The following UTP4 variants were observed in gnomAD, a reference collection of about 807,000 sequenced individuals.
The protein encoded by UTP4 is UTP4 small subunit processome component, also known as U3 small nucleolar RNA-associated protein 4 homolog.
A neutral mutation model predicts 82.4 loss-of-function variants in UTP4; 45 were observed. The observed-to-expected ratio is 0.55, with a 90% CI of 0.43 to 0.70. The LOEUF is 0.70. UTP4 is among the 30% of genes least tolerant of loss of function. UTP4 has a pLI of 0.00. For missense variants in UTP4, 819 were observed against 858.3 expected, an observed-to-expected ratio of 0.95 and a Z score of 0.57; for synonymous variants, 348 against 300.3, an observed-to-expected ratio of 1.16 and a Z score of -1.64.
intron 2 of UTP4, among the ~76,000 whole-genome samples, chr16:69,134,160 T>C (rs1962741556): frequency 6.6e-6 from 1 of 152,168 alleles, no homozygotes; most frequent in South Asian, 2.1e-4. Context: ...TAGTCCTTTT[T>C]CTTCTCCCCT....
rs919468470 is a variant in UTP4 at position 69,154,475 on chromosome 16, G to A, written c.1164+18G>A. 32 of 1,585,172 alleles carry A rather than the reference G, an allele frequency of 2.0e-5. No homozygotes were observed. In the East Asian group the frequency reaches 6.9e-4, roughly 34 times the overall value. ...AGACAAAGGTAAGGAAGTTTGTTTA[G>A]GCTCTGAATTCTAGAGCCTGAATTC... is the stretch of plus-strand genomic sequence containing the variant. On this transcript the variant is annotated intron_variant, in intron 10 of 16. Transcript: ENST00000314423.
At position 69,143,175 on chromosome 16, in the gene UTP4, C is replaced by T. The variant is rs1438918382; in HGVS notation, c.527-3C>T. The T allele has an allele frequency of 6.2e-7, 1 of 1,613,996 alleles. No individual in the cohort carries two copies. Among genetic ancestry groups the T allele is most frequent in the East Asian group, 2.2e-5 (1 of 44,882 alleles). On this transcript the variant is annotated splice_region_variant and splice_polypyrimidine_tract_variant and intron_variant, in intron 5 of 16. Transcript: ENST00000314423. ...TTGAAGGTGTGCTTTTCTGATTTTTCAGGCAGCGCTGTTCATAAGATGATT... is the reference window on the plus strand; with the variant it reads ...TTGAAGGTGTGCTTTTCTGATTTTTTAGGCAGCGCTGTTCATAAGATGATT...
chr16:69,157,926 T>TG (rs1305039219), intron 12 of UTP4, among the ~76,000 whole-genome samples: 2 of 151,146 alleles, frequency 1.3e-5, no homozygotes, highest in Non-Finnish European at 2.9e-5. Context: ...TTTAATTACC[T>TG]GTGTTCATAT....
intron 12 of UTP4, among the ~76,000 whole-genome samples, chr16:69,159,172 G>C (rs1963501618): frequency 6.6e-6 from 1 of 151,954 alleles, no homozygotes; most frequent in Non-Finnish European, 1.5e-5. Flanking sequence ...TGCCTCCCAG[G>C]TTCAAGTGAT....
chr16:69,163,147 A>G lies in UTP4; in HGVS notation c.1616A>G (p.Asn539Ser), dbSNP rs776728506. 1.9e-6 allele frequency: 3 copies of G among 1,613,970 alleles called. No homozygotes were observed. The highest frequency in any genetic ancestry group is 3.3e-4 in the Middle Eastern group (2 of 6,084). The change falls in exon 14 of 17, where the codon AAC becomes AGC. Residue 539 changes from asparagine to serine, a missense_variant. Transcript: ENST00000314423. The part of the protein sequence containing the change: ...VTAMAIAPNT[N>S]NLVIAHSDQQ... ...GCTATGGCTATTGCCCCCAATACCAACAACCTTGTCATCGCTCATTCGGAC... is the reference window on the plus strand; with the variant it reads ...GCTATGGCTATTGCCCCCAATACCAGCAACCTTGTCATCGCTCATTCGGAC...
intron 8 of UTP4, 23 bp downstream of exon 8, chr16:69,150,927 T>C: frequency 6.4e-7 from 1 of 1,555,630 alleles, no homozygotes; most frequent in African/African-American, 1.4e-5. Context: ...TCCAAGCCCC[T>C]GCTAACCCCT....
At position 69,163,063 on chromosome 16, in the gene UTP4, T is replaced by C. The variant is rs1404232544; in HGVS notation, c.1552-20T>C. The C allele has an allele frequency of 1.3e-6, 2 of 1,594,238 alleles. No individual in the cohort carries two copies. The highest frequency in any genetic ancestry group is 1.3e-5 in the African/African-American group (1 of 74,498). On this transcript the variant is annotated intron_variant, in intron 13 of 16. Coordinates refer to ENST00000314423, the MANE Select transcript of UTP4 (RefSeq NM_032830.3). ...AAGTGTCACTTAGAGTTGCCACTTG[T>C]GTCTGTTATTTGTTCCCAGCTTCAC... is the stretch of plus-strand genomic sequence containing the variant.
At position 69,153,664 on chromosome 16, in the gene UTP4, A is replaced by G. The variant is rs34747774; in HGVS notation, c.1083A>G (p.Gly361=). The G allele has an allele frequency of 1.6e-4, 261 of 1,612,276 alleles. No homozygotes were observed. In the African/African-American group the frequency reaches 2.5e-3, roughly 16 times the overall value. The change falls in exon 9 of 17, where the codon GGA becomes GGG. Residue 361 remains glycine (G), a synonymous_variant. Transcript: ENST00000314423. ...FAHHLELWRL[G]STVATGKNGD... is the part of the protein sequence containing the mutation. ...ATCACTTAGAACTTTGGCGACTGGG[A>G]TCCACAGTTGCAACAGGTAAGATGG...
Position 69,137,839 on chromosome 16 carries a change from T to A in UTP4, c.390T>A (p.Ile130=), listed in dbSNP as rs1962850922. Residue 130 remains isoleucine, a synonymous_variant, in exon 4 of 17, where the codon ATT becomes ATA. Transcript: ENST00000314423. Reference sequence around the variant, plus strand: ...ATGGATCTGTGAAACTATTTCAAATTACCCCAGACAAAATCCAGTTTGAAA... The same window carrying A: ...ATGGATCTGTGAAACTATTTCAAATAACCCCAGACAAAATCCAGTTTGAAA... The part of the protein sequence containing the change: ...CEDGSVKLFQ[I]TPDKIQFERN... 1 of 1,613,242 alleles carries A rather than the reference T, an allele frequency of 6.2e-7. No individual in the cohort carries two copies. The highest frequency in any genetic ancestry group is 1.3e-5 in the African/African-American group (1 of 74,888).
intron 15 of UTP4, 194 bp downstream of exon 15, chr16:69,165,720 T>G (rs1459070748): frequency 3.0e-6 from 2 of 659,684 alleles, no homozygotes; most frequent in African/African-American, 3.6e-5. Context: ...CCCACAGTTC[T>G]TCGGGAGGCT....
intron 14 of UTP4, among the ~76,000 whole-genome samples, chr16:69,163,885 T>G (rs954025955): frequency 1.7e-5 from 2 of 116,516 alleles, no homozygotes; most frequent in African/African-American, 6.9e-5. Flanking sequence ...GGTCAGTTTG[T>G]TTTTTTTTTT....
At chr16:69,159,490 C>T (rs1436862285) in intron 12 of UTP4, among the ~76,000 whole-genome samples, 1 of 151,980 alleles carries the variant, frequency 6.6e-6, no homozygotes, top group Non-Finnish European at 1.5e-5. Flanking sequence ...GAGATCGAGA[C>T]CATGCTGACC....
intron 6 of UTP4, among the ~76,000 whole-genome samples, chr16:69,150,275 T>G (rs1169388255): frequency 6.6e-6 from 1 of 152,204 alleles, no homozygotes; most frequent in Non-Finnish European, 1.5e-5. Context: ...AATGCTATTC[T>G]AAGGAGATCT....
At chr16:69,133,130 T>G (rs769729773) in intron 1 of UTP4, 3 of 360,556 alleles carry the variant, frequency 8.3e-6, no homozygotes, top group Admixed American at 4.2e-5. Context: ...TCAGTTTAGG[T>G]CTGTTGTTTG....
chr16:69,150,962 T>C, intron 8 of UTP4, 58 bp downstream of exon 8: 2 of 1,317,146 alleles, frequency 1.5e-6, no homozygotes, highest in African/African-American at 1.5e-5. Flanking sequence ...TGTGTCCCCC[T>C]GTCCCACAAG....
At chr16:69,143,055 A>C in intron 5 of UTP4, 123 bp from the exon 6 acceptor site, 1 of 950,306 alleles carries the variant, frequency 1.1e-6, no homozygotes, top group Non-Finnish European at 1.7e-6. Flanking sequence ...ATGAGGTCTC[A>C]CTTCGTTGCC....
At chr16:69,137,402 A>C (rs1567600256) in intron 3 of UTP4, among the ~76,000 whole-genome samples, 1 of 152,242 alleles carries the variant, frequency 6.6e-6, no homozygotes, top group East Asian at 1.9e-4. Flanking sequence ...GATGAGTCTG[A>C]TTATTTTTGA....
At chr16:69,135,311 A>G (rs1962783515) in intron 2 of UTP4, among the ~76,000 whole-genome samples, 1 of 152,050 alleles carries the variant, frequency 6.6e-6, no homozygotes, top group African/African-American at 2.4e-5. Context: ...TTCTTCAACA[A>G]TTAATTAACT....
chr16:69,134,819 C>T (rs112189931), intron 2 of UTP4, among the ~76,000 whole-genome samples: 4 of 148,768 alleles, frequency 2.7e-5, no homozygotes, highest in South Asian at 2.1e-4. Flanking sequence ...CCTTCCAAGT[C>T]GCTGGGATTA....
Sources: gnomAD v4.1 joint callset for allele counts (sites outside exome capture counted in the v4.1 genomes callset) on GRCh38, gnomAD v4.1.1 for gene constraint, MANE v1.5 for transcripts, NCBI Gene and HGNC (gene_info 2026-07-23, HGNC 2026-07-21) for gene names.